Variants in SLC35E2B observed in about 807,000 individuals in gnomAD.
SLC35E2B encodes solute carrier family 35, member E2B.
Under a neutral mutation model 32.4 loss-of-function variants are expected in SLC35E2B, and 18 were observed. The ratio of observed to expected loss-of-function variants is 0.56; its 90% CI spans 0.38 to 0.82. The LOEUF (loss-of-function observed/expected upper bound fraction) is 0.82, where lower values mean the gene tolerates loss of function less well. SLC35E2B is among the 40% of genes least tolerant of loss of function. The pLI, the probability that SLC35E2B is intolerant of heterozygous loss-of-function variation, is 0.00. For synonymous variants in SLC35E2B, 132 were observed against 209.1 expected, an observed-to-expected ratio of 0.63 and a Z score of 3.18; for missense variants, 263 against 469.5, an observed-to-expected ratio of 0.56 and a Z score of 4.06.
intron 2 of SLC35E2B, among the ~76,000 whole-genome samples, chr1:1,686,643 G>A (rs1176192951): frequency 6.6e-6 from 1 of 151,932 alleles, no homozygotes; most frequent in East Asian, 1.9e-4. Flanking sequence ...GCATGCGCCT[G>A]TAATCCCAGC....
At chr1:1,687,011 G>C (rs190363880) in intron 2 of SLC35E2B, among the ~76,000 whole-genome samples, 1 of 150,410 alleles carries the variant, frequency 6.6e-6, no homozygotes, top group Non-Finnish European at 1.5e-5. Flanking sequence ...AGCTGAGATC[G>C]TGCCACTGCA....
chr1:1,674,908 C>A (rs563729843), intron 5 of SLC35E2B, among the ~76,000 whole-genome samples: 39 of 152,264 alleles, frequency 2.6e-4, no homozygotes, highest in African/African-American at 8.7e-4. Context: ...TTTCATGCAG[C>A]CACACTGGGT....
rs1274593712 is a variant in SLC35E2B, at chr1:1,665,918, G to A, written c.1082C>T (p.Thr361Ile). The change falls in exon 10 of 10, where the codon ACC becomes ATC. Residue 361 changes from threonine (T) to isoleucine (I), a missense_variant. Transcript: ENST00000617444. ...SLSAVGTALV[T>I]VGVLLYNKAR... ...TTTGTTGTAGAGCAGGACCCCAACG[G>A]TCACCAGGGCTGTGCCAACGGCCGA... 1.3e-6 allele frequency: 2 copies of A among 1,551,286 alleles called. No individual in the cohort carries two copies. Among genetic ancestry groups the A allele is most frequent in the Non-Finnish European group, 8.7e-7 (1 of 1,146,992 alleles).
Position 1,666,039 on chromosome 1 carries a change from C to T in SLC35E2B, c.981-20G>A, listed in dbSNP as rs1172750885. On this transcript the variant is annotated intron_variant, in intron 9 of 9. Coordinates refer to ENST00000617444, the MANE Select transcript of SLC35E2B (RefSeq NM_001290264.2). ...GCGACGCTGCGGAGGCAAGGGGAGG[C>T]AGCAGGGGCGCTCAGGGCTATGGTC... 7 of 1,545,440 alleles carry T rather than the reference C, an allele frequency of 4.5e-6. No homozygotes were observed. Among genetic ancestry groups the T allele is most frequent in the South Asian group, 1.2e-5 (1 of 83,448 alleles).
intron 2 of SLC35E2B, 64 bp from the exon 3 acceptor site, chr1:1,676,910 AACC>A: frequency 1.5e-6 from 1 of 668,202 alleles, no homozygotes; most frequent in Non-Finnish European, 2.5e-6. Flanking sequence ...CAAAGGTTTC[AACC>A]ACCAATTTAA....
chr1:1,677,654 ATT>A (rs879460227), intron 2 of SLC35E2B, among the ~76,000 whole-genome samples: 3 of 138,516 alleles, frequency 2.2e-5, no homozygotes, highest in African/African-American at 8.0e-5. Context: ...ATTTTTTGTA[ATT>A]TTTTTTTTTT....
Position 1,669,645 on chromosome 1 carries a change from G to T in SLC35E2B, c.834+19C>A. On this transcript the variant is annotated intron_variant, in intron 8 of 9. Transcript: ENST00000617444. ...GCAGCCCGGCAAGTAAGGACGGGAC[G>T]CCTGTGTCTGAAACCCACCGTAAAG... 6.6e-7 allele frequency: 1 copy of T among 1,515,462 alleles called. No individual in the cohort carries two copies. Among genetic ancestry groups the T allele is most frequent in the Non-Finnish European group, 8.9e-7 (1 of 1,120,226 alleles). The allele number at this position is 1,515,462 out of a possible 1,614,324, so 93.9% of individuals were successfully genotyped here.
chr1:1,682,887 GC>G (rs1643912533), intron 2 of SLC35E2B, among the ~76,000 whole-genome samples: 1 of 152,036 alleles, frequency 6.6e-6, no homozygotes, highest in African/African-American at 2.4e-5. Context: ...GACCAATCTG[GC>G]CAACAAGGTG....
chr1:1,674,676 TTTGA>T (rs1327452188), intron 5 of SLC35E2B, among the ~76,000 whole-genome samples: 2 of 148,550 alleles, frequency 1.3e-5, no homozygotes, highest in East Asian at 3.9e-4. Flanking sequence ...ACTTTTAGGC[TTTGA>T]TTTTGTTATA....
At chr1:1,683,705 C>T (rs550264930) in intron 2 of SLC35E2B, among the ~76,000 whole-genome samples, 1 of 152,020 alleles carries the variant, frequency 6.6e-6, no homozygotes, top group South Asian at 2.1e-4. Flanking sequence ...GACCAGTCCC[C>T]CCTACCCCCG....
At position 1,690,385 on chromosome 1, in the gene SLC35E2B, G is replaced by C. The variant is rs1414031567; in HGVS notation, c.-148+591C>G. Among the ~76,000 whole-genome samples, 6 of 149,580 alleles carry C rather than the reference G, an allele frequency of 4.0e-5. No individual in the cohort carries two copies. In the East Asian group the frequency reaches 1.2e-3, roughly 29 times the overall value. ...GAAAAAATACTTGCAACATGGCAAA[G>C]GATTAATATCCAGAAAGTATAAAGA... is the stretch of plus-strand genomic sequence containing the variant. On this transcript the variant is annotated intron_variant, in intron 2 of 9. Transcript: ENST00000617444.
chr1:1,679,974 T>C (rs1406488348), intron 2 of SLC35E2B, among the ~76,000 whole-genome samples: 1 of 147,954 alleles, frequency 6.8e-6, no homozygotes, highest in Non-Finnish European at 1.5e-5. Flanking sequence ...CTACTAAAAA[T>C]ACAAAATTAG....
rs1029062392 is a variant in SLC35E2B at position 1,667,233 on chromosome 1, T to C, written c.980+1094A>G. Reference sequence around the variant, plus strand: ...CATCCTGGCTAACACGGTGAAACCCTGTCTCTACTAAAAAATACAAAAAAA... The same window carrying C: ...CATCCTGGCTAACACGGTGAAACCCCGTCTCTACTAAAAAATACAAAAAAA... On this transcript the variant is annotated intron_variant, in intron 9 of 9. Coordinates refer to ENST00000617444, the MANE Select transcript of SLC35E2B (RefSeq NM_001290264.2). Among the ~76,000 whole-genome samples the C allele has an allele frequency of 3.6e-4, 54 of 148,316 alleles. 1 individual carries two copies. The highest frequency in any genetic ancestry group is 5.1e-4 in the Non-Finnish European group (34 of 67,188).
At chr1:1,670,801 G>A (rs117975097) in intron 6 of SLC35E2B, 1 of 152,154 alleles carries the variant, frequency 6.6e-6, no homozygotes, top group East Asian at 1.9e-4. Flanking sequence ...TAAACTCTCA[G>A]ACACCAGTGG....
chr1:1,690,539 G>C (rs1287421122), intron 2 of SLC35E2B, among the ~76,000 whole-genome samples: 1 of 138,972 alleles, frequency 7.2e-6, no homozygotes, highest in Non-Finnish European at 1.6e-5. Context: ...AGGAGTTCGA[G>C]ACCAGCCTGG....
rs1309297131 is a variant in SLC35E2B at position 1,675,456 on chromosome 1, G to T, written c.586+7C>A. The T allele has an allele frequency of 3.1e-6, 5 of 1,612,040 alleles. No homozygotes were observed. The highest frequency in any genetic ancestry group is 4.2e-6 in the Non-Finnish European group (5 of 1,179,452). On this transcript the variant is annotated splice_region_variant and intron_variant, in intron 5 of 9. Coordinates refer to ENST00000617444, the MANE Select transcript of SLC35E2B (RefSeq NM_001290264.2). ...GCAGGCGGAGGGGCGGGGCCCGGGG[G>T]CCTCACCTGTGTACTCCCCCAGAAT...
Position 1,663,636 on chromosome 1 carries a change from A to G in SLC35E2B, c.*2146T>C, listed in dbSNP as rs1276429242. ...CAGGCACCCACCATCGCACCCAGCT[A>G]ATTTTTGTATTTTTGGTAGAGACAG... On this transcript the variant is annotated 3_prime_UTR_variant, in exon 10 of 10. Transcript: ENST00000617444. 2 of 233,872 alleles carry G rather than the reference A, an allele frequency of 8.6e-6. 1 individual carries two copies. The highest frequency in any genetic ancestry group is 1.4e-5 in the Non-Finnish European group (2 of 144,102). 14.5% of individuals were successfully genotyped at this position (233,872 alleles called of 1,614,324 possible).
chr1:1,675,509 GGGGGC>G lies in SLC35E2B; in HGVS notation c.535_539del (p.Ala179HisfsTer37). 1 of 1,585,684 alleles carries G rather than the reference GGGGGC, an allele frequency of 6.3e-7. No individual in the cohort carries two copies. Among genetic ancestry groups the G allele is most frequent in the Non-Finnish European group, 8.6e-7 (1 of 1,164,836 alleles). ...TCCGAGACATGATCACCGTGAAGAT[GGGGGC>G]GGAGCTCTTCACCGTCTCAGCAAAC... is the stretch of plus-strand genomic sequence containing the variant. On this transcript the variant is annotated frameshift_variant, in exon 5 of 10. Transcript: ENST00000617444. LOFTEE classifies it high-confidence loss of function.
chr1:1,668,591 C>T lies in SLC35E2B; in HGVS notation c.835-119G>A, dbSNP rs531749811. On this transcript the variant is annotated intron_variant, in intron 8 of 9. Coordinates refer to ENST00000617444, the MANE Select transcript of SLC35E2B (RefSeq NM_001290264.2). ...TGGGTAAAGCTGCTGCCACTGAGGA[C>T]AGCCCTGAAAATGCCTCGAGCGGAC... 8.0e-5 allele frequency: 128 copies of T among 1,591,468 alleles called. No individual in the cohort carries two copies. The African/African-American group carries it at 1.4e-3, about 18-fold the overall frequency.
Sources: allele counts gnomAD v4.1 joint callset (sites outside exome capture counted in the v4.1 genomes callset), GRCh38; gene constraint gnomAD v4.1.1; transcripts MANE v1.5; gene names NCBI Gene and HGNC (gene_info 2026-07-23, HGNC 2026-07-21).